RBMS2: variants seen among roughly 807,000 people sequenced by gnomAD.
RBMS2 encodes the protein RNA-binding motif, single-stranded-interacting protein 2.
RBMS2 carries 38 observed loss-of-function variants against 58.4 expected under a neutral mutation model. The ratio of observed to expected loss-of-function variants is 0.65; its 90% CI spans 0.50 to 0.85. The LOEUF (loss-of-function observed/expected upper bound fraction) is 0.85. Ranked by LOEUF, RBMS2 falls within the 40% of genes least tolerant of loss-of-function variation. RBMS2 has a pLI of 0.00. For synonymous variants in RBMS2, 151 were observed against 180.7 expected, an observed-to-expected ratio of 0.84 and a Z score of 1.32; for missense variants, 367 against 503.7, an observed-to-expected ratio of 0.73 and a Z score of 2.60.
Position 56,562,414 on chromosome 12 carries a change from C to A in RBMS2, c.67-3C>A. The stretch of plus-strand genomic sequence containing the variant: ...TCTACCTCTTCCTCATGTCTCCCTG[C>A]AGCCATATGTGTCATTGGCTCAGCA... On this transcript the variant is annotated splice_polypyrimidine_tract_variant and splice_region_variant and intron_variant, in intron 1 of 13. Transcript: ENST00000262031. 1 of 1,599,404 alleles carries A rather than the reference C, an allele frequency of 6.3e-7. No individual in the cohort carries two copies. The highest frequency in any genetic ancestry group is 8.6e-7 in the Non-Finnish European group (1 of 1,166,800).
intron 1 of RBMS2, among the ~76,000 whole-genome samples, chr12:56,526,668 T>TA (rs371154715): frequency 0.94 from 110,111 of 117,472 alleles, 52,107 homozygotes; most frequent in South Asian, 0.99. Context: ...CTTGGTTCAT[T>TA]AAAAAAAAAA....
intron 9 of RBMS2, among the ~76,000 whole-genome samples, chr12:56,585,214 G>A (rs1217679382): frequency 1.3e-5 from 2 of 152,200 alleles, no homozygotes; most frequent in African/African-American, 4.8e-5. Context: ...ACATTTAAAT[G>A]TGTAATCATC....
At chr12:56,567,326 A>C (rs1881516487) in intron 2 of RBMS2, among the ~76,000 whole-genome samples, 1 of 151,438 alleles carries the variant, frequency 6.6e-6, no homozygotes, top group South Asian at 2.1e-4. Flanking sequence ...CGGAGGGTGC[A>C]GTGAGCTGAG....
intron 1 of RBMS2, among the ~76,000 whole-genome samples, chr12:56,556,228 G>A (rs1158065406): frequency 1.3e-5 from 2 of 152,016 alleles, no homozygotes; most frequent in Non-Finnish European, 2.9e-5. Context: ...GCAACATAGC[G>A]AGACCTGAAA....
chr12:56,529,963 G>T (rs1873394205), intron 1 of RBMS2, among the ~76,000 whole-genome samples: 1 of 151,418 alleles, frequency 6.6e-6, no homozygotes, highest in East Asian at 2.0e-4. Flanking sequence ...AGGCTGGAGT[G>T]CATTGGCACA....
chr12:56,520,479 G>A (rs548927157), upstream of RBMS2, among the ~76,000 whole-genome samples: 89 of 152,170 alleles, frequency 5.8e-4, 1 homozygote, highest in Non-Finnish European at 5.4e-4. Context: ...ACTTAGGATG[G>A]CAGCAAGGTG....
chr12:56,538,987 G>GTTGT (rs34976937), intron 1 of RBMS2, among the ~76,000 whole-genome samples: 49,926 of 149,114 alleles, frequency 0.33, 8,436 homozygotes, highest in South Asian at 0.52. Context: ...CAAATCATTC[G>GTTGT]TTGTTAGTTA....
intron 1 of RBMS2, among the ~76,000 whole-genome samples, chr12:56,537,848 CTT>C (rs56179535): frequency 0.59 from 78,358 of 132,988 alleles, 22,231 homozygotes; most frequent in East Asian, 0.68. Flanking sequence ...TGTTTTCTGC[CTT>C]TTTTTTTTTT....
chr12:56,588,671 G>C (rs1592520384), intron 12 of RBMS2: 1 of 590,868 alleles, frequency 1.7e-6, no homozygotes, highest in East Asian at 2.8e-5. Context: ...CTGAGTTCAT[G>C]AATGAGGCCC....
At chr12:56,549,698 G>C (rs1877883473) in intron 1 of RBMS2, among the ~76,000 whole-genome samples, 1 of 152,100 alleles carries the variant, frequency 6.6e-6, no homozygotes, top group South Asian at 2.1e-4. Flanking sequence ...TGGTTCTCAA[G>C]GGCCATCAGT....
intron 1 of RBMS2, among the ~76,000 whole-genome samples, chr12:56,522,827 A>C (rs975234345): frequency 3.3e-5 from 5 of 152,206 alleles, no homozygotes; most frequent in African/African-American, 1.2e-4. Flanking sequence ...AATCTTGTCC[A>C]TATTTGACAA....
intron 5 of RBMS2, chr12:56,573,168 C>G: frequency 1.0e-6 from 1 of 984,266 alleles, no homozygotes; most frequent in Non-Finnish European, 1.2e-6. Context: ...GTGTTTCAGA[C>G]CTTGGGAACA....
At chr12:56,554,268 C>T (rs1053778038) in intron 1 of RBMS2, among the ~76,000 whole-genome samples, 1 of 152,084 alleles carries the variant, frequency 6.6e-6, no homozygotes, top group African/African-American at 2.4e-5. Flanking sequence ...ACTTGAGATG[C>T]CTTTGTGGAA....
chr12:56,562,647 C>A, intron 2 of RBMS2, 64 bp downstream of exon 2: 1 of 1,512,856 alleles, frequency 6.6e-7, no homozygotes, highest in Non-Finnish European at 9.1e-7. Context: ...GAGACAGGGT[C>A]TCGTTATGTT....
At chr12:56,523,060 C>G (rs1307028752) in intron 1 of RBMS2, among the ~76,000 whole-genome samples, 1 of 152,124 alleles carries the variant, frequency 6.6e-6, no homozygotes, top group African/African-American at 2.4e-5. Flanking sequence ...CTAATGAGAC[C>G]ATTAGAGGTG....
At chr12:56,539,664 C>T in intron 1 of RBMS2, 1 of 451,160 alleles carries the variant, frequency 2.2e-6, no homozygotes, top group Non-Finnish European at 4.4e-6. Context: ...ATACCAGTTA[C>T]TGTTCTTTTA....
At chr12:56,532,794 G>A (rs1050668438) in intron 1 of RBMS2, among the ~76,000 whole-genome samples, 1 of 152,024 alleles carries the variant, frequency 6.6e-6, no homozygotes, top group African/African-American at 2.4e-5. Context: ...CCTGTAAGAG[G>A]TACTCTCAAG....
chr12:56,560,750 C>G (rs555379791), intron 1 of RBMS2, among the ~76,000 whole-genome samples: 3 of 151,988 alleles, frequency 2.0e-5, no homozygotes, highest in Non-Finnish European at 4.4e-5. Flanking sequence ...CAAAGTGATT[C>G]TTTTTAAAAT....
In RBMS2 at chr12:56,589,185, T is replaced by C. The variant is rs1885111328; in HGVS notation, c.*52T>C. ...CTGAATAGAAATGAATTCTTGGAGA[T>C]ACTCATGCTCCCAGATTCCAGAGGG... On this transcript the variant is annotated 3_prime_UTR_variant, in exon 14 of 14. Transcript: ENST00000262031. The C allele has an allele frequency of 1.3e-6, 2 of 1,528,052 alleles. No homozygotes were observed. Among genetic ancestry groups the C allele is most frequent in the African/African-American group, 2.8e-5 (2 of 72,482 alleles). The allele number at this position is 1,528,052 out of a possible 1,614,324, so 94.7% of individuals were successfully genotyped here.
Sources: gnomAD v4.1 joint callset for allele counts (sites outside exome capture counted in the v4.1 genomes callset) on GRCh38, gnomAD v4.1.1 for gene constraint, MANE v1.5 for transcripts, NCBI Gene and HGNC (gene_info 2026-07-23, HGNC 2026-07-21) for gene names.